The following SGCZ variants were observed in gnomAD, a reference collection of about 807,000 sequenced individuals.
SGCZ encodes zeta-sarcoglycan.
In SGCZ, 40 loss-of-function variants were observed where a neutral mutation model predicts 41.3. The observed-to-expected ratio is 0.97, with a 90% CI of 0.75 to 1.26. The LOEUF (loss-of-function observed/expected upper bound fraction) is 1.26. SGCZ is among the 50% of genes most tolerant of loss of function. The pLI is 0.00. For missense variants in SGCZ, 552 were observed against 369.8 expected (o/e 1.49, Z -4.04); for synonymous variants, 206 against 137.5 (o/e 1.50, Z -3.49).
intron 1 of SGCZ, among the ~76,000 whole-genome samples, chr8:15,006,522 T>C (rs1446084904): frequency 1.3e-5 from 2 of 152,228 alleles, no homozygotes; most frequent in Non-Finnish European, 2.9e-5. Flanking sequence ...GAAAGCCTGA[T>C]CATTAGCCAT....
intron 2 of SGCZ, among the ~76,000 whole-genome samples, chr8:14,354,361 G>A (rs570038006): frequency 2.1e-4 from 32 of 151,814 alleles, no homozygotes; most frequent in African/African-American, 3.6e-4. Flanking sequence ...CAAGAAAAGC[G>A]TAGAAAAGAA....
At chr8:14,827,372 G>C (rs1802370332) in intron 1 of SGCZ, among the ~76,000 whole-genome samples, 1 of 151,854 alleles carries the variant, frequency 6.6e-6, no homozygotes, top group Non-Finnish European at 1.5e-5. Flanking sequence ...AAGTAGCTGG[G>C]ATTACAGGCA....
intron 2 of SGCZ, among the ~76,000 whole-genome samples, chr8:14,551,554 A>G (rs923995298): frequency 5.3e-5 from 1 of 18,878 alleles, no homozygotes; most frequent in Non-Finnish European, 7.8e-5. Flanking sequence ...TATATATAAT[A>G]TATATTATAT....
At chr8:14,978,330 G>C (rs1161695442) in intron 1 of SGCZ, among the ~76,000 whole-genome samples, 1 of 135,176 alleles carries the variant, frequency 7.4e-6, no homozygotes, top group Non-Finnish European at 1.5e-5. Flanking sequence ...TTAGTTGGGC[G>C]TGGTGCCATG....
chr8:14,855,156 G>C (rs371761911), intron 1 of SGCZ, among the ~76,000 whole-genome samples: 2 of 151,804 alleles, frequency 1.3e-5, no homozygotes, highest in African/African-American at 4.8e-5. Flanking sequence ...GGGCTCAAGC[G>C]ATTCTCATGC....
chr8:14,678,884 T>A (rs1212778835), intron 1 of SGCZ, among the ~76,000 whole-genome samples: 1 of 152,190 alleles, frequency 6.6e-6, no homozygotes, highest in African/African-American at 2.4e-5. Flanking sequence ...TGAAAAGATA[T>A]AGAGAAAACT....
At chr8:14,619,153 C>T (rs184416603) in intron 1 of SGCZ, among the ~76,000 whole-genome samples, 52 of 152,178 alleles carry the variant, frequency 3.4e-4, no homozygotes, top group African/African-American at 1.0e-3. Context: ...AATCAATAAA[C>T]GTAATCCAGC....
intron 1 of SGCZ, among the ~76,000 whole-genome samples, chr8:14,972,268 G>A (rs1326924284): frequency 2.1e-5 from 3 of 145,034 alleles, no homozygotes; most frequent in Non-Finnish European, 4.4e-5. Context: ...CTGTTGTAAT[G>A]TTTCCTCTGT....
chr8:14,539,588 G>A (rs1803398061), intron 2 of SGCZ, among the ~76,000 whole-genome samples: 2 of 151,836 alleles, frequency 1.3e-5, no homozygotes, highest in Non-Finnish European at 1.5e-5. Flanking sequence ...GTACCGGTTT[G>A]TTACATAGGT....
chr8:14,782,955 C>A (rs1419484535), intron 1 of SGCZ, among the ~76,000 whole-genome samples: 1 of 152,090 alleles, frequency 6.6e-6, no homozygotes, highest in Admixed American at 6.5e-5. Context: ...ACATATAATG[C>A]AGGCAATAGA....
At chr8:14,821,644 G>A (rs1431638831) in intron 1 of SGCZ, among the ~76,000 whole-genome samples, 2 of 152,008 alleles carry the variant, frequency 1.3e-5, no homozygotes, top group South Asian at 2.1e-4. Context: ...ATTCTATGAT[G>A]CAAGAATGTC....
intron 1 of SGCZ, among the ~76,000 whole-genome samples, chr8:15,189,636 C>T (rs1329419779): frequency 6.6e-6 from 1 of 152,048 alleles, no homozygotes; most frequent in Non-Finnish European, 1.5e-5. Flanking sequence ...TCTCAGAGCC[C>T]AGCTCACTGG....
intron 1 of SGCZ, among the ~76,000 whole-genome samples, chr8:15,157,638 G>A (rs1296976364): frequency 3.9e-5 from 6 of 152,106 alleles, no homozygotes; most frequent in Non-Finnish European, 8.8e-5. Flanking sequence ...TCTGGAACAA[G>A]TGAACATGTC....
intron 4 of SGCZ, among the ~76,000 whole-genome samples, chr8:14,205,736 G>C (rs567893303): frequency 5.5e-4 from 83 of 152,214 alleles, no homozygotes; most frequent in African/African-American, 1.9e-3. Context: ...TAATGTGGTT[G>C]AATGGCATAA....
chr8:14,151,444 ACT>A (rs1803706706), intron 5 of SGCZ, among the ~76,000 whole-genome samples: 2 of 143,034 alleles, frequency 1.4e-5, no homozygotes. Context: ...CCAAAAAAAA[ACT>A]AAGTAAGTGA....
intron 1 of SGCZ, among the ~76,000 whole-genome samples, chr8:14,878,891 T>C (rs1418265055): frequency 1.3e-5 from 2 of 152,162 alleles, no homozygotes; most frequent in African/African-American, 2.4e-5. Flanking sequence ...AAAGCAGTAC[T>C]GTGGAAGGTT....
rs777685688 is a variant in SGCZ at position 15,052,713 on chromosome 8, C to T, written c.39+184872G>A. On this transcript the variant is annotated intron_variant, in intron 1 of 7. Coordinates refer to ENST00000382080, the MANE Select transcript of SGCZ (RefSeq NM_139167.4). ...TATGGACACGTGCATTTTAGAAATGCTAAACACCTAATAAATTTCATCCTT... is the reference window on the plus strand; with the variant it reads ...TATGGACACGTGCATTTTAGAAATGTTAAACACCTAATAAATTTCATCCTT... Among the ~76,000 whole-genome samples the T allele has an allele frequency of 6.8e-4, 103 of 152,028 alleles. 1 individual carries two copies. The highest frequency in any genetic ancestry group is 3.2e-3 in the Middle Eastern group (1 of 316).
chr8:15,188,781 C>G (rs1437849097), intron 1 of SGCZ, among the ~76,000 whole-genome samples: 3 of 151,868 alleles, frequency 2.0e-5, no homozygotes, highest in South Asian at 2.1e-4. Flanking sequence ...TTAAGACATC[C>G]ATTGTCATAT....
intron 1 of SGCZ, among the ~76,000 whole-genome samples, chr8:14,654,241 A>T (rs1445025719): frequency 6.6e-6 from 1 of 152,010 alleles, no homozygotes; most frequent in East Asian, 1.9e-4. Context: ...AATTAAAAAA[A>T]AAAAAGGATA....
Sources: allele counts gnomAD v4.1 joint callset (sites outside exome capture counted in the v4.1 genomes callset), GRCh38; gene constraint gnomAD v4.1.1; transcripts MANE v1.5; gene names NCBI Gene and HGNC (gene_info 2026-07-23, HGNC 2026-07-21).